The following UGT1A8 variants were observed in gnomAD, a reference collection of about 807,000 sequenced individuals.
UGT1A8 encodes the protein UDP glucuronosyltransferase family 1 member A8.
Under a neutral mutation model 45.3 loss-of-function variants are expected in UGT1A8, and 39 were observed. That is an observed-to-expected ratio of 0.86 (90% CI 0.67 to 1.12). The LOEUF (loss-of-function observed/expected upper bound fraction) is 1.12. Ranked by LOEUF, UGT1A8 falls within the 50% of genes most tolerant of loss-of-function variation. The pLI is 0.00. For synonymous variants in UGT1A8, 275 were observed against 249.2 expected, an observed-to-expected ratio of 1.10 and a Z score of -0.97; for missense variants, 719 against 664.9, an observed-to-expected ratio of 1.08 and a Z score of -0.90.
intron 1 of UGT1A8, chr2:233,743,075 T>C (rs1282774388): frequency 2.9e-6 from 1 of 344,366 alleles, no homozygotes; most frequent in Non-Finnish European, 5.7e-6. Context: ...GGTGTTGGCA[T>C]GAAGTGTTTA....
At chr2:233,739,569 GT>G (rs1056417236) in intron 1 of UGT1A8, among the ~76,000 whole-genome samples, 1 of 152,220 alleles carries the variant, frequency 6.6e-6, no homozygotes, top group Non-Finnish European at 1.5e-5. Flanking sequence ...GCCCTGCCTG[GT>G]TTTGGACTTG....
chr2:233,697,681 T>C (rs990981606), intron 1 of UGT1A8, among the ~76,000 whole-genome samples: 1 of 152,138 alleles, frequency 6.6e-6, no homozygotes, highest in African/African-American at 2.4e-5. Context: ...ATTCAAAATA[T>C]TTCTGCTTTT....
At chr2:233,741,288 A>G (rs1260428951) in intron 1 of UGT1A8, among the ~76,000 whole-genome samples, 2 of 151,770 alleles carry the variant, frequency 1.3e-5, no homozygotes, top group Non-Finnish European at 2.9e-5. Context: ...GGATTTATGT[A>G]CCCAATTGTG....
At chr2:233,733,656 C>T (rs1449340604) in intron 1 of UGT1A8, among the ~76,000 whole-genome samples, 11 of 152,054 alleles carry the variant, frequency 7.2e-5, no homozygotes, top group African/African-American at 1.7e-4. Context: ...AGGATGAAGC[C>T]GACTTGATCG....
At chr2:233,681,881 T>A (rs7586110) in intron 1 of UGT1A8, 22 of 1,552,012 alleles carry the variant, frequency 1.4e-5, no homozygotes, top group Non-Finnish European at 1.7e-5. Context: ...CTTCTTCCAC[T>A]TACTATATTA....
chr2:233,688,463 T>A (rs1329783133), intron 1 of UGT1A8, among the ~76,000 whole-genome samples: 1 of 152,198 alleles, frequency 6.6e-6, no homozygotes, highest in Non-Finnish European at 1.5e-5. Flanking sequence ...AGGAAACTTC[T>A]TGGGAAATGT....
intron 1 of UGT1A8, among the ~76,000 whole-genome samples, chr2:233,749,245 A>G (rs1371671760): frequency 6.6e-6 from 1 of 151,908 alleles, no homozygotes; most frequent in Admixed American, 6.5e-5. Context: ...ATCAAACCAC[A>G]TGATTTTTTT....
chr2:233,668,236 C>T (rs1038397285), intron 1 of UGT1A8, among the ~76,000 whole-genome samples: 14 of 152,012 alleles, frequency 9.2e-5, no homozygotes, highest in South Asian at 2.1e-4. Context: ...CCCCGGTGTG[C>T]GATATTCCCC....
rs1282215739 is a variant in UGT1A8 at position 233,675,414 on chromosome 2, G to A, written c.855+56852G>A. On this transcript the variant is annotated intron_variant, in intron 1 of 4. Coordinates refer to ENST00000373450, the MANE Select transcript of UGT1A8 (RefSeq NM_019076.5). ...TTTGAATTTTTGATGAGTTCCAACA[G>A]AATTAATGACTGGTTTTAGGTGAAA... is the stretch of plus-strand genomic sequence containing the variant. Among the ~76,000 whole-genome samples, 6 of 152,160 alleles carry A rather than the reference G, an allele frequency of 3.9e-5. No individual in the cohort carries two copies. In the East Asian group the frequency reaches 1.2e-3, roughly 29 times the overall value.
At chr2:233,719,100 C>A (rs780011480) in intron 1 of UGT1A8, 1 of 1,614,270 alleles carries the variant, frequency 6.2e-7, no homozygotes, top group Admixed American at 1.7e-5. Flanking sequence ...TCGCGTTACG[C>A]TGGGCTACAC....
intron 1 of UGT1A8, among the ~76,000 whole-genome samples, chr2:233,766,604 C>T (rs1699199811): frequency 6.6e-6 from 1 of 152,174 alleles, no homozygotes; most frequent in Non-Finnish European, 1.5e-5. Flanking sequence ...AGGGACCACA[C>T]CCTCTTCTAC....
At chr2:233,667,772 C>T (rs1218620269) in intron 1 of UGT1A8, among the ~76,000 whole-genome samples, 4 of 152,104 alleles carry the variant, frequency 2.6e-5, no homozygotes, top group Admixed American at 2.0e-4. Context: ...CCAAAAGACA[C>T]ATGAAAAAAT....
chr2:233,647,840 G>T, intron 1 of UGT1A8: 1 of 1,132,282 alleles, frequency 8.8e-7, no homozygotes, highest in Non-Finnish European at 1.2e-6. Flanking sequence ...TAGCTTTGGT[G>T]TCATTGGTTT....
At chr2:233,686,885 T>C (rs2074810019) in intron 1 of UGT1A8, among the ~76,000 whole-genome samples, 1 of 152,196 alleles carries the variant, frequency 6.6e-6, no homozygotes, top group Non-Finnish European at 1.5e-5. Flanking sequence ...TTCTGCATGA[T>C]TCCTGCCCCA....
At chr2:233,720,438 T>C (rs553453091) in intron 1 of UGT1A8, among the ~76,000 whole-genome samples, 3 of 152,172 alleles carry the variant, frequency 2.0e-5, no homozygotes, top group African/African-American at 7.2e-5. Context: ...ACCGTGAATC[T>C]ATAAGCCCAG....
At chr2:233,690,794 CA>C in intron 1 of UGT1A8, 3 of 1,143,930 alleles carry the variant, frequency 2.6e-6, no homozygotes, top group South Asian at 1.9e-5. Flanking sequence ...CACACACACA[CA>C]CACACCATTC....
intron 1 of UGT1A8, 84 bp from the exon 2 acceptor site, chr2:233,766,950 A>G: frequency 6.2e-7 from 1 of 1,601,228 alleles, no homozygotes. Context: ...TCTTAAGAGG[A>G]AGATATCTAA....
rs936360060 is a variant in UGT1A8 at position 233,744,308 on chromosome 2, A to G, written c.856-22726A>G. On this transcript the variant is annotated intron_variant, in intron 1 of 4. Coordinates refer to ENST00000373450, the MANE Select transcript of UGT1A8 (RefSeq NM_019076.5). Reference sequence around the variant, plus strand: ...GTCTTTTTCCTCGGCCACAGGAGGGAAGAGGGTGGTGGGAGTGAGTTTAGT... The same window carrying G: ...GTCTTTTTCCTCGGCCACAGGAGGGGAGAGGGTGGTGGGAGTGAGTTTAGT... Among the ~76,000 whole-genome samples, 68 of 151,726 alleles carry G rather than the reference A, an allele frequency of 4.5e-4. 2 individuals are homozygous for G. The highest frequency in any genetic ancestry group is 1.7e-3 in the African/African-American group (68 of 41,046).
At chr2:233,704,101 G>A (rs965515464) in intron 1 of UGT1A8, among the ~76,000 whole-genome samples, 1 of 151,892 alleles carries the variant, frequency 6.6e-6, no homozygotes, top group African/African-American at 2.4e-5. Context: ...ATGTTGGTCA[G>A]TCTGGTCTCA....
Sources: allele counts gnomAD v4.1 joint callset (sites outside exome capture counted in the v4.1 genomes callset), GRCh38; gene constraint gnomAD v4.1.1; transcripts MANE v1.5; gene names NCBI Gene and HGNC (gene_info 2026-07-23, HGNC 2026-07-21).